The following TSC22D1 variants were observed in gnomAD, a reference collection of about 807,000 sequenced individuals.
TSC22D1 encodes the protein TSC22 domain family member 1.
TSC22D1 carries 9 observed loss-of-function variants against 74.2 expected under a neutral mutation model. The observed-to-expected ratio is 0.12, with a 90% CI of 0.07 to 0.21. The LOEUF is 0.21. Among genes scored for constraint, TSC22D1 ranks in the 10% least tolerant of loss-of-function variants. TSC22D1 has a pLI of 1.00. For synonymous variants in TSC22D1, 586 were observed against 492.5 expected (o/e 1.19, Z -2.51); for missense variants, 1,427 against 1,304.7 (o/e 1.09, Z -1.44).
chr13:44,529,937 GGA>G (rs750546548), intron 1 of TSC22D1, among the ~76,000 whole-genome samples: 4 of 152,012 alleles, frequency 2.6e-5, no homozygotes, highest in Non-Finnish European at 5.9e-5. Flanking sequence ...CTGAAAAAAT[GGA>G]GAGATATTCC....
At position 44,447,833 on chromosome 13, in the gene TSC22D1, C is replaced by CTTTTTT. The variant is rs5803260; in HGVS notation, c.2913-11744_2913-11739dup. ...ATGCTAAGAAGACCCAATGCCTTTT[C>CTTTTTT]TTTTTTTTTTTTTTTTTTTTAAGAT... is the stretch of plus-strand genomic sequence containing the variant. On this transcript the variant is annotated intron_variant, in intron 1 of 2. Transcript: ENST00000458659. Among the ~76,000 whole-genome samples, 50 of 129,346 alleles carry CTTTTTT rather than the reference C, an allele frequency of 3.9e-4. 1 individual carries two copies. Among genetic ancestry groups the CTTTTTT allele is most frequent in the Non-Finnish European group, 5.4e-4 (34 of 62,466 alleles). 84.9% of individuals were successfully genotyped at this position (129,346 alleles called of 152,430 possible). A position where few individuals can be genotyped will look rare whatever the true frequency, so the allele number is the denominator to read the frequency against.
chr13:44,475,080 C>G (rs1037866817), intron 1 of TSC22D1, among the ~76,000 whole-genome samples: 3 of 151,806 alleles, frequency 2.0e-5, no homozygotes, highest in Admixed American at 1.3e-4. Context: ...AGACAAGAGA[C>G]TGATAAAACC....
At chr13:44,537,809 A>C (rs909872570) in intron 1 of TSC22D1, 6 of 984,794 alleles carry the variant, frequency 6.1e-6, no homozygotes, top group Admixed American at 6.2e-5. Flanking sequence ...TAGCCAAGAA[A>C]GACTAAGTGC....
chr13:44,538,663 C>T (rs1881292304), intron 1 of TSC22D1: 4 of 985,346 alleles, frequency 4.1e-6, no homozygotes, highest in Non-Finnish European at 4.8e-6. Flanking sequence ...TTGGGCCTTT[C>T]CATTTTCAGA....
At chr13:44,440,022 C>T (rs1875057655) in intron 1 of TSC22D1, among the ~76,000 whole-genome samples, 1 of 152,136 alleles carries the variant, frequency 6.6e-6, no homozygotes, top group African/African-American at 2.4e-5. Context: ...TCACTGCTGT[C>T]TAAGGACTCC....
chr13:44,548,734 T>C (rs962629287), intron 1 of TSC22D1, among the ~76,000 whole-genome samples: 2 of 152,138 alleles, frequency 1.3e-5, no homozygotes, highest in African/African-American at 2.4e-5. Context: ...TATCTAAACA[T>C]GTTAAAATGG....
intron 1 of TSC22D1, among the ~76,000 whole-genome samples, chr13:44,526,133 CA>C (rs1176828726): frequency 2.0e-5 from 3 of 152,000 alleles, no homozygotes; most frequent in African/African-American, 7.2e-5. Flanking sequence ...CAAAAAACAC[CA>C]TTAGACATGC....
At position 44,433,638 on chromosome 13, in the gene TSC22D1, G is replaced by A. The variant is rs1181859903; in HGVS notation, c.*988C>T. 3 of 274,880 alleles carry A rather than the reference G, an allele frequency of 1.1e-5. No homozygotes were observed. Among genetic ancestry groups the A allele is most frequent in the Non-Finnish European group, 6.7e-6 (1 of 148,606 alleles). 17.0% of individuals were successfully genotyped at this position (274,880 alleles called of 1,614,324 possible). A position where few individuals can be genotyped will look rare whatever the true frequency, so the allele number is the denominator to read the frequency against. On this transcript the variant is annotated 3_prime_UTR_variant, in exon 3 of 3. Coordinates refer to ENST00000458659, the MANE Select transcript of TSC22D1 (RefSeq NM_183422.4). ...AACATATGCATATAACTACTATACAGGTGATATGCAGAAACCCCTACTGGG... is the reference window on the plus strand; with the variant it reads ...AACATATGCATATAACTACTATACAAGTGATATGCAGAAACCCCTACTGGG...
intron 1 of TSC22D1, among the ~76,000 whole-genome samples, chr13:44,486,693 C>T (rs1351139335): frequency 2.0e-5 from 3 of 152,136 alleles, no homozygotes; most frequent in Non-Finnish European, 4.4e-5. Flanking sequence ...ATGTGCTAAA[C>T]CATACAGCAA....
chr13:44,535,462 A>G (rs942145501), intron 1 of TSC22D1, among the ~76,000 whole-genome samples: 1 of 152,082 alleles, frequency 6.6e-6, no homozygotes, highest in Non-Finnish European at 1.5e-5. Flanking sequence ...GGATAAAAAT[A>G]AAGTAAAAAA....
chr13:44,499,750 G>A (rs1879138365), intron 1 of TSC22D1, among the ~76,000 whole-genome samples: 1 of 152,086 alleles, frequency 6.6e-6, no homozygotes, highest in Non-Finnish European at 1.5e-5. Context: ...ACAGGTTTGG[G>A]ATCACTTTAT....
At chr13:44,446,048 A>G (rs1171096525) in intron 1 of TSC22D1, among the ~76,000 whole-genome samples, 1 of 152,238 alleles carries the variant, frequency 6.6e-6, no homozygotes. Flanking sequence ...AGAAAATTGA[A>G]AACATGTTAC....
intron 1 of TSC22D1, among the ~76,000 whole-genome samples, chr13:44,487,113 GA>G (rs1878463410): frequency 1.3e-5 from 2 of 152,040 alleles, no homozygotes; most frequent in Admixed American, 1.3e-4. Flanking sequence ...CTTTTCTAGA[GA>G]TTTTACATAT....
At chr13:44,500,095 GAA>G (rs751648270) in intron 1 of TSC22D1, among the ~76,000 whole-genome samples, 3 of 68,794 alleles carry the variant, frequency 4.4e-5, no homozygotes, top group African/African-American at 5.4e-5. Context: ...TCTCAAAAAA[GAA>G]AAAAAAAAAA....
chr13:44,480,771 C>T (rs75192536), intron 1 of TSC22D1, among the ~76,000 whole-genome samples: 151 of 152,200 alleles, frequency 9.9e-4, no homozygotes, highest in African/African-American at 3.5e-3. Context: ...CTTCTTGAGG[C>T]CAAGTTTCCA....
chr13:44,449,015 CAGA>C (rs1174839457), intron 1 of TSC22D1, among the ~76,000 whole-genome samples: 25 of 152,156 alleles, frequency 1.6e-4, no homozygotes, highest in African/African-American at 6.0e-4. Flanking sequence ...ACCCATTTTA[CAGA>C]TTAAGAAACA....
intron 1 of TSC22D1, among the ~76,000 whole-genome samples, chr13:44,556,919 G>A (rs897734815): frequency 9.2e-5 from 14 of 151,908 alleles, no homozygotes; most frequent in African/African-American, 2.4e-4. Context: ...CGAGGCGGGC[G>A]GATCACCTGA....
intron 1 of TSC22D1, among the ~76,000 whole-genome samples, chr13:44,473,384 A>G (rs1341367532): frequency 5.9e-5 from 9 of 152,138 alleles, no homozygotes; most frequent in Non-Finnish European, 1.2e-4. Flanking sequence ...AGTCCCAGCT[A>G]CTTGGAAGGC....
At chr13:44,552,241 A>G (rs954215983) in intron 1 of TSC22D1, among the ~76,000 whole-genome samples, 12 of 152,190 alleles carry the variant, frequency 7.9e-5, no homozygotes, top group Admixed American at 2.6e-4. Flanking sequence ...TCTGTACTTC[A>G]TATTTCATTT....
Sources: allele counts gnomAD v4.1 joint callset (sites outside exome capture counted in the v4.1 genomes callset), GRCh38; gene constraint gnomAD v4.1.1; transcripts MANE v1.5; gene names NCBI Gene and HGNC (gene_info 2026-07-23, HGNC 2026-07-21).